The following TCAIM variants were observed in gnomAD, a reference collection of about 807,000 sequenced individuals.
TCAIM encodes T-cell activation inhibitor, mitochondrial.
TCAIM carries 36 observed loss-of-function variants against 58.6 expected under a neutral mutation model. The ratio of observed to expected loss-of-function variants is 0.61; its 90% CI spans 0.47 to 0.81. TCAIM has a LOEUF of 0.81. Among genes scored for constraint, TCAIM ranks in the 30% least tolerant of loss-of-function variants. The pLI is 0.00. For missense variants in TCAIM, 466 were observed against 579.6 expected (o/e 0.80, Z 2.01); for synonymous variants, 172 against 193.6 (o/e 0.89, Z 0.93).
At chr3:44,380,105 A>C (rs1349516587) in intron 5 of TCAIM, among the ~76,000 whole-genome samples, 1 of 152,198 alleles carries the variant, frequency 6.6e-6, no homozygotes, top group East Asian at 1.9e-4. Context: ...TAAAGTAGTA[A>C]GACTTTTAGG....
chr3:44,368,580 A>G (rs1196693999), intron 5 of TCAIM, among the ~76,000 whole-genome samples: 1 of 152,206 alleles, frequency 6.6e-6, no homozygotes, highest in African/African-American at 2.4e-5. Flanking sequence ...ATAGTCTATG[A>G]TATTTGTCTA....
At chr3:44,343,429 T>A (rs1169422548) in intron 1 of TCAIM, among the ~76,000 whole-genome samples, 1 of 152,228 alleles carries the variant, frequency 6.6e-6, no homozygotes, top group African/African-American at 2.4e-5. Context: ...TTCTAAAAAC[T>A]AGATGTTTTA....
intron 3 of TCAIM, 52 bp downstream of exon 3, chr3:44,357,928 C>G (rs1294567122): frequency 6.3e-7 from 1 of 1,587,452 alleles, no homozygotes. Context: ...GCTTATTTAC[C>G]TTTGATACAA....
chr3:44,370,250 A>G (rs1701443059), intron 5 of TCAIM, among the ~76,000 whole-genome samples: 1 of 152,158 alleles, frequency 6.6e-6, no homozygotes, highest in Non-Finnish European at 1.5e-5. Context: ...TCACAAGGTC[A>G]GGAGATCAAG....
intron 3 of TCAIM, chr3:44,358,427 G>T: frequency 1.7e-6 from 1 of 585,652 alleles, no homozygotes; most frequent in Non-Finnish European, 3.0e-6. Context: ...TTACATCCAT[G>T]GATTCAACCA....
intron 4 of TCAIM, among the ~76,000 whole-genome samples, chr3:44,362,268 C>T (rs1026181454): frequency 1.3e-5 from 2 of 152,144 alleles, no homozygotes; most frequent in East Asian, 1.9e-4. Flanking sequence ...TCTTTGAGAT[C>T]TAAAATCTGT....
intron 9 of TCAIM, 154 bp from the exon 10 acceptor site, chr3:44,401,049 G>C: frequency 9.2e-7 from 1 of 1,087,224 alleles, no homozygotes; most frequent in Non-Finnish European, 1.3e-6. Context: ...TGTGTCTTTG[G>C]GGGCAGCAAA....
At chr3:44,349,316 T>G (rs946070264) in intron 1 of TCAIM, among the ~76,000 whole-genome samples, 1 of 152,132 alleles carries the variant, frequency 6.6e-6, no homozygotes, top group Non-Finnish European at 1.5e-5. Flanking sequence ...TCTTGTAGGA[T>G]GGATAAATTG....
At chr3:44,398,361 C>T (rs546850216) in intron 8 of TCAIM, among the ~76,000 whole-genome samples, 3 of 152,108 alleles carry the variant, frequency 2.0e-5, no homozygotes, top group African/African-American at 4.8e-5. Context: ...ACCCGGGAGA[C>T]GGAAGTTGCA....
At chr3:44,373,746 T>A (rs571291805) in intron 5 of TCAIM, among the ~76,000 whole-genome samples, 111 of 152,292 alleles carry the variant, frequency 7.3e-4, no homozygotes, top group African/African-American at 2.5e-3. Flanking sequence ...CTAAAAAAAA[T>A]TAGGAAATGC....
chr3:44,366,083 T>A (rs961431594), intron 4 of TCAIM, among the ~76,000 whole-genome samples: 3 of 152,208 alleles, frequency 2.0e-5, no homozygotes, highest in Non-Finnish European at 4.4e-5. Context: ...CTGGCTTCAT[T>A]CTTAATCTAT....
At chr3:44,351,103 A>G (rs957995035) in intron 1 of TCAIM, among the ~76,000 whole-genome samples, 10 of 152,182 alleles carry the variant, frequency 6.6e-5, no homozygotes, top group Non-Finnish European at 5.9e-5. Context: ...CCCAGGTTCA[A>G]GTGATTCTGC....
intron 1 of TCAIM, among the ~76,000 whole-genome samples, chr3:44,351,550 A>C (rs1054026722): frequency 6.6e-5 from 10 of 151,994 alleles, no homozygotes; most frequent in African/African-American, 2.4e-4. Context: ...GCTGGAGTGC[A>C]GTGGCGTGAT....
chr3:44,390,069 A>G (rs143273382), intron 5 of TCAIM, among the ~76,000 whole-genome samples: 87 of 152,286 alleles, frequency 5.7e-4, no homozygotes, highest in South Asian at 3.9e-3. Flanking sequence ...AATAGTTCTT[A>G]TATTATATTC....
intron 5 of TCAIM, among the ~76,000 whole-genome samples, chr3:44,381,987 A>G (rs542897614): frequency 1.3e-5 from 2 of 152,342 alleles, no homozygotes; most frequent in South Asian, 4.1e-4. Context: ...AGAAGATATA[A>G]GTAAATGGAA....
At chr3:44,351,238 C>T (rs1475110775) in intron 1 of TCAIM, among the ~76,000 whole-genome samples, 2 of 152,118 alleles carry the variant, frequency 1.3e-5, no homozygotes, top group Non-Finnish European at 2.9e-5. Flanking sequence ...ATCCACCTCC[C>T]TCGGCCTCCC....
At chr3:44,381,736 C>CAT (rs1235031732) in intron 5 of TCAIM, among the ~76,000 whole-genome samples, 1 of 152,138 alleles carries the variant, frequency 6.6e-6, no homozygotes, top group African/African-American at 2.4e-5. Context: ...GAAAACTCTG[C>CAT]AGATTCCACT....
chr3:44,367,936 T>A (rs1701407851), intron 5 of TCAIM: 1 of 422,998 alleles, frequency 2.4e-6, no homozygotes, highest in South Asian at 4.7e-5. Flanking sequence ...TACTTCCAAC[T>A]GTATTTAAAG....
intron 1 of TCAIM, chr3:44,341,401 C>T (rs1036424668): frequency 5.3e-5 from 8 of 152,264 alleles, no homozygotes; most frequent in South Asian, 2.1e-4. Context: ...CCACCTTTGT[C>T]TTCAAATGGT....
Sources: gnomAD v4.1 joint callset for allele counts (sites outside exome capture counted in the v4.1 genomes callset) on GRCh38, gnomAD v4.1.1 for gene constraint, MANE v1.5 for transcripts, NCBI Gene and HGNC (gene_info 2026-07-23, HGNC 2026-07-21) for gene names.